The following NBAS variants were observed in gnomAD, a reference collection of about 807,000 sequenced individuals.
NBAS encodes the protein NAG/BC035112 fusion.
In NBAS, 219 loss-of-function variants were observed where a neutral mutation model predicts 302.5. The observed-to-expected ratio is 0.72, with a 90% confidence interval of 0.65 to 0.81. NBAS has a LOEUF of 0.81. Ranked by LOEUF, NBAS falls within the 30% of genes least tolerant of loss-of-function variation. The pLI is 0.00. For missense variants in NBAS, 2,932 were observed against 2,841.6 expected, an observed-to-expected ratio of 1.03 and a Z score of -0.72; for synonymous variants, 1,118 against 1,021.6, an observed-to-expected ratio of 1.09 and a Z score of -1.80.
At chr2:15,397,119 C>T (rs897597771) in intron 26 of NBAS, among the ~76,000 whole-genome samples, 36 of 152,178 alleles carry the variant, frequency 2.4e-4, no homozygotes, top group African/African-American at 8.7e-4. Flanking sequence ...TGAAAAAGAT[C>T]ACAAACTAAT....
At chr2:15,390,091 G>A (rs1242428244) in intron 28 of NBAS, among the ~76,000 whole-genome samples, 4 of 152,182 alleles carry the variant, frequency 2.6e-5, no homozygotes, top group Middle Eastern at 3.4e-3. Context: ...AGCCATAAAC[G>A]CCTACAATAA....
At position 15,473,319 on chromosome 2, in the gene NBAS, A is replaced by G. The variant is rs760949593; in HGVS notation, c.1628T>C (p.Leu543Ser). ...CAGGCCGTAGGTATGAGCCAAGGAC[A>G]AGGCTTCCTCATACTCTTCACTTTC... ...KIESEEYEEALSLAHTYGLDT... is the reference protein window; with the variant it reads ...KIESEEYEEASSLAHTYGLDT... Residue 543 changes from leucine (L) to serine (S), a missense_variant, in exon 16 of 52, where the codon TTG becomes TCG. Leu to Ser is a moderately radical substitution (Grantham distance 145). Transcript: ENST00000281513. The G allele has an allele frequency of 6.2e-7, 1 of 1,614,056 alleles. No individual in the cohort carries two copies. The highest frequency in any genetic ancestry group is 8.5e-7 in the Non-Finnish European group (1 of 1,179,914).
chr2:15,233,470 T>G lies in NBAS; in HGVS notation c.6147-959A>C, dbSNP rs540510410. ...AACTAAATTAATCAAAACACTAATT[T>G]TTCAAAATGCATATTTTTGTGAGCT... On this transcript the variant is annotated intron_variant, in intron 46 of 51. Transcript: ENST00000281513. Among the ~76,000 whole-genome samples the G allele has an allele frequency of 2.6e-5, 4 of 152,308 alleles. No individual in the cohort carries two copies. In the East Asian group the frequency reaches 7.7e-4, roughly 29 times the overall value.
rs775184212 is a variant in NBAS at position 15,417,515 on chromosome 2, A to G, written c.2763+12T>C. ...TTAAAATATTTAAAAAGGAAGTTAAAATAAAACCTACACTATTCATCAGTA... is the reference window on the plus strand; with the variant it reads ...TTAAAATATTTAAAAAGGAAGTTAAGATAAAACCTACACTATTCATCAGTA... On this transcript the variant is annotated intron_variant, in intron 24 of 51. Coordinates refer to ENST00000281513, the MANE Select transcript of NBAS (RefSeq NM_015909.4). 1.2e-6 allele frequency: 2 copies of G among 1,604,318 alleles called. No individual in the cohort carries two copies. The highest frequency in any genetic ancestry group is 2.2e-5 in the South Asian group (2 of 90,546).
At chr2:15,329,970 G>C (rs1224082357) in intron 36 of NBAS, among the ~76,000 whole-genome samples, 2 of 152,134 alleles carry the variant, frequency 1.3e-5, no homozygotes, top group Admixed American at 1.3e-4. Context: ...CAGGAGAAGG[G>C]AATTAGACTG....
chr2:15,344,482 T>C (rs545320196), intron 35 of NBAS, among the ~76,000 whole-genome samples: 9 of 151,938 alleles, frequency 5.9e-5, no homozygotes, highest in Admixed American at 2.0e-4. Context: ...ATCCCGGAAA[T>C]AGACCAATAA....
the NBAS span, among the ~76,000 whole-genome samples, chr2:14,855,961 G>A: frequency 7.2e-5 from 11 of 152,330 alleles, no homozygotes; most frequent in Admixed American, 1.3e-4. Context: ...CAGGTCTTGA[G>A]CAAGACCTAG....
chr2:14,890,219 T>G, the NBAS span, among the ~76,000 whole-genome samples: 1 of 152,210 alleles, frequency 6.6e-6, no homozygotes. Flanking sequence ...TCGTAGTTCC[T>G]AAGAATTTTG....
rs1680168518 is a variant in NBAS at position 15,475,842 on chromosome 2, A to G, written c.1186T>C (p.Trp396Arg). ...SFYPLIDVNW[W>R]ADSAVTLARC... ...GCTAAAGTCACTGCACTGTCTGCCCACCAATTGACATCTATCAGTGGGTAA... is the reference window on the plus strand; with the variant it reads ...GCTAAAGTCACTGCACTGTCTGCCCGCCAATTGACATCTATCAGTGGGTAA... Residue 396 changes from tryptophan (W) to arginine (R), a missense_variant, in exon 14 of 52, where the codon TGG (tryptophan) becomes CGG (arginine). By Grantham distance (101) the Trp-to-Arg change is moderately radical. Transcript: ENST00000281513. 1.2e-6 allele frequency: 2 copies of G among 1,614,004 alleles called. No homozygotes were observed. The highest frequency in any genetic ancestry group is 1.7e-6 in the Non-Finnish European group (2 of 1,179,924).
intron 32 of NBAS, among the ~76,000 whole-genome samples, chr2:15,361,165 T>C (rs970631955): frequency 7.9e-5 from 12 of 152,320 alleles, no homozygotes; most frequent in African/African-American, 2.9e-4. Flanking sequence ...AGATCGTTGT[T>C]GACCAAAATT....
intron 21 of NBAS, among the ~76,000 whole-genome samples, chr2:15,459,003 A>C (rs922065756): frequency 6.6e-6 from 1 of 152,220 alleles, no homozygotes; most frequent in Non-Finnish European, 1.5e-5. Flanking sequence ...GGTATGACTA[A>C]ATTATTGATC....
chr2:14,980,264 C>T, the NBAS span, among the ~76,000 whole-genome samples: 3 of 152,114 alleles, frequency 2.0e-5, no homozygotes, highest in Non-Finnish European at 4.4e-5. Context: ...GCAAAGACCA[C>T]CTCACTCCAT....
rs115952760 is a variant in NBAS, at chr2:15,288,641, C to G, written c.5028-1458G>C. 1.5e-3 allele frequency among the ~76,000 whole-genome samples: 228 copies of G among 152,338 alleles called. 1 individual carries two copies. Among genetic ancestry groups the G allele is most frequent in the Middle Eastern group, 3.4e-3 (1 of 294 alleles). On this transcript the variant is annotated intron_variant, in intron 41 of 51. Transcript: ENST00000281513. ...CCAAGAAAGCAGTCCCGAACACCCA[C>G]ATTATAAGGCCATTTTAGAAAGACT...
At chr2:15,059,968 AAAAAAAAC>A in the NBAS span, among the ~76,000 whole-genome samples, 13 of 43,876 alleles carry the variant, frequency 3.0e-4, no homozygotes, top group African/African-American at 5.5e-3. Flanking sequence ...AAAAAACAAA[AAAAAAAAC>A]AAAAAAAAAA....
the NBAS span, among the ~76,000 whole-genome samples, chr2:14,941,458 A>G: frequency 6.6e-6 from 1 of 152,212 alleles, no homozygotes; most frequent in African/African-American, 2.4e-5. Context: ...ACCTCATCTA[A>G]GTGGAAAGGA....
intron 35 of NBAS, among the ~76,000 whole-genome samples, chr2:15,348,931 C>T (rs139454117): frequency 6.6e-5 from 10 of 152,132 alleles, no homozygotes; most frequent in Middle Eastern, 3.4e-3. Flanking sequence ...ATATAGAGAA[C>T]GGGGCAATTA....
the NBAS span, among the ~76,000 whole-genome samples, chr2:14,978,094 G>A: frequency 3.9e-5 from 6 of 152,036 alleles, no homozygotes; most frequent in Non-Finnish European, 5.9e-5. Context: ...CTTGACTTAT[G>A]TTAATCTCTC....
rs533671578 is a variant in NBAS at position 15,462,273 on chromosome 2, CT to C, written c.2098-483del. On this transcript the variant is annotated intron_variant, in intron 19 of 51. Transcript: ENST00000281513. ...GCACTGTGATACATTGAACAATACA[CT>C]TTTCCCACCCTCTAATGTGCTTAAA... Among the ~76,000 whole-genome samples, 577 of 152,282 alleles carry C rather than the reference CT, an allele frequency of 3.8e-3. 7 individuals are homozygous for C. Among genetic ancestry groups the C allele is most frequent in the Non-Finnish European group, 2.0e-3 (138 of 68,020 alleles).
the NBAS span, among the ~76,000 whole-genome samples, chr2:15,064,302 CAAAAAA>C: frequency 0.55 from 72,157 of 131,458 alleles, 20,136 homozygotes; most frequent in Middle Eastern, 0.66. Flanking sequence ...AGAAAAGACT[CAAAAAA>C]AAAAAAAAAA....
Sources: gnomAD v4.1 joint callset for allele counts (sites outside exome capture counted in the v4.1 genomes callset) on GRCh38, gnomAD v4.1.1 for gene constraint, MANE v1.5 for transcripts, NCBI Gene and HGNC (gene_info 2026-07-23, HGNC 2026-07-21) for gene names.